Variants in PLPPR1 observed in about 807,000 individuals in gnomAD.
PLPPR1 encodes the protein phospholipid phosphatase-related protein type 1.
In PLPPR1, 10 loss-of-function variants were observed where a neutral mutation model predicts 33.1. The observed-to-expected ratio is 0.30, with a 90% CI of 0.19 to 0.51. PLPPR1 has a LOEUF of 0.51. Among genes scored for constraint, PLPPR1 ranks in the 20% least tolerant of loss-of-function variants. The probability of loss-of-function intolerance (pLI) is 0.97; values close to 1 mark genes in which losing one functional copy is unlikely to be tolerated. For missense variants in PLPPR1, 304 were observed against 408.1 expected (o/e 0.74, Z 2.20); for synonymous variants, 151 against 151.0 (o/e 1.00, Z 0.00).
intron 2 of PLPPR1, among the ~76,000 whole-genome samples, chr9:101,261,657 T>A (rs2118881073): frequency 6.6e-6 from 1 of 152,244 alleles, no homozygotes; most frequent in South Asian, 2.1e-4. Flanking sequence ...CATGGAATAG[T>A]ATGCATCCAT....
intron 1 of PLPPR1, among the ~76,000 whole-genome samples, chr9:101,087,477 A>C (rs951951519): frequency 2.6e-5 from 4 of 152,232 alleles, no homozygotes; most frequent in Non-Finnish European, 4.4e-5. Flanking sequence ...AATTATATCT[A>C]CTTCTACCAA....
At chr9:101,125,167 A>G (rs1236432734) in intron 1 of PLPPR1, among the ~76,000 whole-genome samples, 1 of 151,424 alleles carries the variant, frequency 6.6e-6, no homozygotes, top group Admixed American at 6.6e-5. Flanking sequence ...TCTTTAGGGC[A>G]CTGACCTTAT....
chr9:101,240,726 A>C (rs547026275), intron 2 of PLPPR1, among the ~76,000 whole-genome samples: 104 of 152,124 alleles, frequency 6.8e-4, no homozygotes, highest in African/African-American at 2.4e-3. Context: ...ATTTCCAATA[A>C]AGTTGGGAAA....
At chr9:101,308,321 A>G (rs1052225237) in intron 4 of PLPPR1, among the ~76,000 whole-genome samples, 4 of 152,218 alleles carry the variant, frequency 2.6e-5, no homozygotes, top group African/African-American at 9.6e-5. Context: ...TGCTGGAAAG[A>G]GGCCATAAGA....
intron 1 of PLPPR1, among the ~76,000 whole-genome samples, chr9:101,098,416 A>G (rs751209868): frequency 6.6e-6 from 1 of 152,038 alleles, no homozygotes; most frequent in Non-Finnish European, 1.5e-5. Flanking sequence ...TCAGAAGGGG[A>G]GGTTGCATAC....
intron 1 of PLPPR1, among the ~76,000 whole-genome samples, chr9:101,146,477 C>T (rs1831523375): frequency 6.6e-6 from 1 of 152,206 alleles, no homozygotes; most frequent in Non-Finnish European, 1.5e-5. Context: ...TTTCTGTTAA[C>T]TATGCAGAAA....
At chr9:101,083,620 A>G (rs1188500405) in intron 1 of PLPPR1, among the ~76,000 whole-genome samples, 1 of 151,976 alleles carries the variant, frequency 6.6e-6, no homozygotes, top group Non-Finnish European at 1.5e-5. Flanking sequence ...ATGACATTGA[A>G]AATTACATCT....
intron 1 of PLPPR1, among the ~76,000 whole-genome samples, chr9:101,051,064 A>G (rs193169405): frequency 1.3e-5 from 2 of 152,078 alleles, no homozygotes; most frequent in East Asian, 3.9e-4. Flanking sequence ...TTTTCAGTCT[A>G]CTTTTCCAGC....
At chr9:101,275,048 C>T (rs1045572677) in intron 3 of PLPPR1, among the ~76,000 whole-genome samples, 4 of 152,208 alleles carry the variant, frequency 2.6e-5, no homozygotes, top group African/African-American at 7.2e-5. Context: ...ACCTCTGTGC[C>T]GGATTAAGTG....
chr9:101,077,356 G>A (rs188140312), intron 1 of PLPPR1, among the ~76,000 whole-genome samples: 7 of 152,174 alleles, frequency 4.6e-5, no homozygotes, highest in Admixed American at 2.6e-4. Context: ...TTCTCCAGCC[G>A]ACTGGCTTAA....
In PLPPR1 at chr9:101,044,339, A is replaced by G. The variant is rs973369604; in HGVS notation, c.-46+15237A>G. Among the ~76,000 whole-genome samples the G allele has an allele frequency of 2.0e-5, 3 of 152,174 alleles. No homozygotes were observed. The South Asian group carries it at 6.2e-4, about 32-fold the overall frequency. On this transcript the variant is annotated intron_variant, in intron 1 of 7. Coordinates refer to ENST00000374874, the MANE Select transcript of PLPPR1 (RefSeq NM_207299.2). ...TCTCCCCTAGACAACTTTGCAGTTC[A>G]TACACGACTCCCTGAAAGAGAACAC...
intron 1 of PLPPR1, among the ~76,000 whole-genome samples, chr9:101,057,798 A>T (rs117043915): frequency 6.6e-6 from 1 of 152,252 alleles, no homozygotes; most frequent in East Asian, 1.9e-4. Context: ...ATTCTTTTCT[A>T]TTGGAAGGAG....
intron 2 of PLPPR1, among the ~76,000 whole-genome samples, chr9:101,191,923 G>A (rs188208587): frequency 7.2e-4 from 110 of 152,250 alleles, no homozygotes; most frequent in African/African-American, 2.6e-3. Flanking sequence ...TCATTTTGAT[G>A]GTTGCTCATA....
At chr9:101,253,783 A>G (rs1176426660) in intron 2 of PLPPR1, among the ~76,000 whole-genome samples, 1 of 152,096 alleles carries the variant, frequency 6.6e-6, no homozygotes, top group Non-Finnish European at 1.5e-5. Flanking sequence ...TATACTGCCC[A>G]GTATGTGGTT....
chr9:101,166,780 A>G (rs1385739618), intron 1 of PLPPR1, among the ~76,000 whole-genome samples: 1 of 152,102 alleles, frequency 6.6e-6, no homozygotes, highest in Non-Finnish European at 1.5e-5. Flanking sequence ...TTCAGATCAT[A>G]CTCATTTAAA....
At position 101,108,132 on chromosome 9, in the gene PLPPR1, G is replaced by A. The variant is rs1831001178; in HGVS notation, c.-45-77318G>A. Among the ~76,000 whole-genome samples the A allele has an allele frequency of 2.0e-5, 3 of 152,162 alleles. No individual in the cohort carries two copies. The South Asian group carries it at 6.2e-4, about 32-fold the overall frequency. On this transcript the variant is annotated intron_variant, in intron 1 of 7. Transcript: ENST00000374874. Reference sequence around the variant, plus strand: ...TTCTGCGTCGCTCACGCTGGGAGCTGTAGACCGGAGCTGTTCCTATTCGGC... The same window carrying A: ...TTCTGCGTCGCTCACGCTGGGAGCTATAGACCGGAGCTGTTCCTATTCGGC...
At chr9:101,217,290 G>C (rs1826819134) in intron 2 of PLPPR1, among the ~76,000 whole-genome samples, 1 of 151,930 alleles carries the variant, frequency 6.6e-6, no homozygotes, top group Non-Finnish European at 1.5e-5. Context: ...TAATTAAAAA[G>C]GGAAATCATA....
In PLPPR1 at chr9:101,035,563, G is replaced by A. The variant is rs78604598; in HGVS notation, c.-46+6461G>A. Among the ~76,000 whole-genome samples, 1,222 of 152,102 alleles carry A rather than the reference G, an allele frequency of 8.0e-3. 18 individuals carry two copies. The highest frequency in any genetic ancestry group is 0.028 in the African/African-American group (1,165 of 41,464). ...TTTTTAGGTCAGAGTCTCTTTCTAG[G>A]GAAGTTGTCCTGACCTCTTAACTCT... On this transcript the variant is annotated intron_variant, in intron 1 of 7. Coordinates refer to ENST00000374874, the MANE Select transcript of PLPPR1 (RefSeq NM_207299.2).
intron 2 of PLPPR1, among the ~76,000 whole-genome samples, chr9:101,197,903 A>G (rs1408558667): frequency 6.6e-6 from 1 of 152,214 alleles, no homozygotes; most frequent in Non-Finnish European, 1.5e-5. Context: ...CACAATAGAA[A>G]TAATGAGAGT....
Sources: gnomAD v4.1 joint callset for allele counts (sites outside exome capture counted in the v4.1 genomes callset) on GRCh38, gnomAD v4.1.1 for gene constraint, MANE v1.5 for transcripts, NCBI Gene and HGNC (gene_info 2026-07-23, HGNC 2026-07-21) for gene names.